KCNJ3: variants seen among roughly 807,000 people sequenced by gnomAD.
KCNJ3 encodes potassium inwardly rectifying channel subfamily J member 3, also known as G protein-activated inward rectifier potassium channel 1.
A neutral mutation model predicts 39.2 loss-of-function variants in KCNJ3; 4 were observed. The observed-to-expected ratio is 0.10, with a 90% CI of 0.05 to 0.23. The LOEUF is 0.23. Among genes scored for constraint, KCNJ3 ranks in the 10% least tolerant of loss-of-function variants. KCNJ3 has a pLI of 1.00. For synonymous variants in KCNJ3, 230 were observed against 237.4 expected (o/e 0.97, Z 0.29); for missense variants, 276 against 634.9 (o/e 0.43, Z 6.08).
chr2:154,842,886 T>C (rs537267899), intron 2 of KCNJ3, among the ~76,000 whole-genome samples: 17 of 152,340 alleles, frequency 1.1e-4, no homozygotes, highest in Admixed American at 3.3e-4. Context: ...CTTGACTCTT[T>C]ATCCAACTTG....
intron 2 of KCNJ3, among the ~76,000 whole-genome samples, chr2:154,726,828 CACACACA>C (rs1236181373): frequency 0.023 from 3,393 of 150,282 alleles, 117 homozygotes; most frequent in East Asian, 0.14. Context: ...CACACACACA[CACACACA>C]TACACCATGG....
chr2:154,739,910 T>C (rs1045782484), intron 2 of KCNJ3, among the ~76,000 whole-genome samples: 3 of 152,064 alleles, frequency 2.0e-5, no homozygotes, highest in Non-Finnish European at 4.4e-5. Context: ...GCAACGAATA[T>C]GGCATTGTAT....
At chr2:154,791,676 C>A (rs1017590433) in intron 2 of KCNJ3, among the ~76,000 whole-genome samples, 1 of 151,934 alleles carries the variant, frequency 6.6e-6, no homozygotes, top group Admixed American at 6.6e-5. Flanking sequence ...GGCTTGGGAA[C>A]CAGAGCATAA....
chr2:154,780,661 C>A (rs1185083754), intron 2 of KCNJ3, among the ~76,000 whole-genome samples: 1 of 152,056 alleles, frequency 6.6e-6, no homozygotes, highest in East Asian at 1.9e-4. Context: ...GAGATATGGG[C>A]TACAGGGTAT....
At chr2:154,714,887 A>C (rs911612024) in intron 2 of KCNJ3, among the ~76,000 whole-genome samples, 4 of 152,198 alleles carry the variant, frequency 2.6e-5, no homozygotes, top group African/African-American at 7.2e-5. Context: ...AATGAAGTGC[A>C]TCATATATAA....
chr2:154,701,770 C>T (rs1257217508), intron 1 of KCNJ3, among the ~76,000 whole-genome samples: 2 of 152,012 alleles, frequency 1.3e-5, no homozygotes, highest in Non-Finnish European at 2.9e-5. Context: ...CACGATTTAC[C>T]TGTGGCATCA....
intron 2 of KCNJ3, among the ~76,000 whole-genome samples, chr2:154,766,565 T>C (rs2105192710): frequency 6.6e-6 from 1 of 152,136 alleles, no homozygotes; most frequent in Middle Eastern, 3.4e-3. Flanking sequence ...TTTTATTTTA[T>C]ATATTTTTTG....
intron 2 of KCNJ3, among the ~76,000 whole-genome samples, chr2:154,801,232 A>G (rs1686812036): frequency 6.6e-6 from 1 of 152,214 alleles, no homozygotes; most frequent in South Asian, 2.1e-4. Flanking sequence ...TGGCTTCAGG[A>G]GGAGTAAATG....
intron 2 of KCNJ3, among the ~76,000 whole-genome samples, chr2:154,806,664 A>G (rs74987059): frequency 0.039 from 5,987 of 152,232 alleles, 183 homozygotes; most frequent in South Asian, 0.11. Context: ...ACATATTCTT[A>G]GCTGCACTCA....
At chr2:154,767,394 T>A (rs1686153548) in intron 2 of KCNJ3, among the ~76,000 whole-genome samples, 1 of 152,110 alleles carries the variant, frequency 6.6e-6, no homozygotes. Flanking sequence ...GTCCAAGTGT[T>A]CTCATTGTTC....
At chr2:154,714,805 G>C (rs1485300576) in intron 2 of KCNJ3, among the ~76,000 whole-genome samples, 2 of 152,128 alleles carry the variant, frequency 1.3e-5, no homozygotes, top group South Asian at 2.1e-4. Context: ...GACTTTAAGG[G>C]ACACAGTTTG....
chr2:154,746,243 T>G (rs1685739565), intron 2 of KCNJ3, among the ~76,000 whole-genome samples: 1 of 152,004 alleles, frequency 6.6e-6, no homozygotes, highest in African/African-American at 2.4e-5. Context: ...TAATTGACTG[T>G]TAAAGTTATT....
At chr2:154,743,716 G>A (rs923630481) in intron 2 of KCNJ3, among the ~76,000 whole-genome samples, 2 of 150,874 alleles carry the variant, frequency 1.3e-5, no homozygotes, top group Non-Finnish European at 3.0e-5. Context: ...TGTTCCAAGA[G>A]GTTTTGTATT....
chr2:154,801,254 G>A (rs926883109), intron 2 of KCNJ3, among the ~76,000 whole-genome samples: 6 of 152,116 alleles, frequency 3.9e-5, no homozygotes, highest in Non-Finnish European at 5.9e-5. Context: ...GTGAATGGAG[G>A]TTAATATCTA....
At chr2:154,790,625 A>T (rs1358563158) in intron 2 of KCNJ3, among the ~76,000 whole-genome samples, 4 of 152,102 alleles carry the variant, frequency 2.6e-5, no homozygotes, top group East Asian at 1.9e-4. Context: ...ACAAAATATC[A>T]AACAGGTTAT....
chr2:154,740,403 G>GT (rs1685632617), intron 2 of KCNJ3, among the ~76,000 whole-genome samples: 1 of 151,948 alleles, frequency 6.6e-6, no homozygotes, highest in Non-Finnish European at 1.5e-5. Flanking sequence ...TTTTAGTAGC[G>GT]TAACTATTTA....
chr2:154,833,488 A>G (rs1687396873), intron 2 of KCNJ3, among the ~76,000 whole-genome samples: 1 of 152,168 alleles, frequency 6.6e-6, no homozygotes, highest in Non-Finnish European at 1.5e-5. Flanking sequence ...TCACACCATC[A>G]GTTTGCAGCA....
chr2:154,835,072 G>A (rs1481610529), intron 2 of KCNJ3, among the ~76,000 whole-genome samples: 10 of 150,530 alleles, frequency 6.6e-5, no homozygotes, highest in African/African-American at 2.2e-4. Flanking sequence ...AAGCATTTCT[G>A]TTATTCTTGA....
chr2:154,788,895 G>A (rs950573618), intron 2 of KCNJ3, among the ~76,000 whole-genome samples: 1 of 151,950 alleles, frequency 6.6e-6, no homozygotes, highest in Non-Finnish European at 1.5e-5. Context: ...GGAGAAAAAG[G>A]TTACTCAAAA....
Sources: allele counts gnomAD v4.1 joint callset (sites outside exome capture counted in the v4.1 genomes callset), GRCh38; gene constraint gnomAD v4.1.1; transcripts MANE v1.5; gene names NCBI Gene and HGNC (gene_info 2026-07-23, HGNC 2026-07-21).